The following SLC22A14 variants were observed in gnomAD, a reference collection of about 807,000 sequenced individuals.
The protein encoded by SLC22A14 is organic cation transporter-like 4.
SLC22A14 carries 50 observed loss-of-function variants against 53.9 expected under a neutral mutation model. The ratio of observed to expected loss-of-function variants is 0.93; its 90% CI spans 0.74 to 1.17. The LOEUF (loss-of-function observed/expected upper bound fraction) is 1.17, where lower values mean the gene tolerates loss of function less well. Among genes scored for constraint, SLC22A14 ranks in the 50% most tolerant of loss-of-function variants. The pLI is 0.00. For synonymous variants in SLC22A14, 312 were observed against 303.0 expected, an observed-to-expected ratio of 1.03 and a Z score of -0.31; for missense variants, 671 against 734.7, an observed-to-expected ratio of 0.91 and a Z score of 1.00.
chr3:38,313,474 G>A lies in SLC22A14; in HGVS notation c.1152G>A (p.Met384Ile). Residue 384 changes from methionine (M) to isoleucine (I), a missense_variant, in exon 7 of 11, where the codon ATG becomes ATA. Coordinates refer to ENST00000448498, the MANE Select transcript of SLC22A14 (RefSeq NM_001320033.2). ...AGCTCTGCAAGGTGACCTTGGTGAT[G>A]AGCTGTGTGTGGTGAGTATCCAGGG... Reference protein sequence around the residue: ...NRQLCKVTLVMSCVWFTVSYT... With the variant: ...NRQLCKVTLVISCVWFTVSYT... 1 of 1,610,920 alleles carries A rather than the reference G, an allele frequency of 6.2e-7. No homozygotes were observed. The highest frequency in any genetic ancestry group is 8.5e-7 in the Non-Finnish European group (1 of 1,177,070).
upstream of SLC22A14, among the ~76,000 whole-genome samples, chr3:38,280,991 T>C (rs1230218202): frequency 6.6e-6 from 1 of 152,218 alleles, no homozygotes; most frequent in Non-Finnish European, 1.5e-5. Flanking sequence ...CACCCTGCTC[T>C]TCAGTCTCAC....
At chr3:38,317,220 G>C (rs964960113) in intron 10 of SLC22A14, among the ~76,000 whole-genome samples, 17 of 152,220 alleles carry the variant, frequency 1.1e-4, no homozygotes, top group Non-Finnish European at 2.1e-4. Context: ...AGCAGTCACT[G>C]CCTCTGGCCT....
rs117766880 is a variant in SLC22A14, at chr3:38,300,409, C to A, written c.1-5618C>A. On this transcript the variant is annotated intron_variant, in intron 1 of 10. Coordinates refer to ENST00000448498, the MANE Select transcript of SLC22A14 (RefSeq NM_001320033.2). ...GAGCCAAGATCACACCACTGCACTC[C>A]AGTCTGGGGGACACAGTGAGACTTC... 5.6e-3 allele frequency among the ~76,000 whole-genome samples: 853 copies of A among 152,208 alleles called. 33 individuals are homozygous for A. The East Asian group carries it at 0.088, about 16-fold the overall frequency.
chr3:38,286,236 G>A (rs917475551), intron 1 of SLC22A14, among the ~76,000 whole-genome samples: 1 of 152,048 alleles, frequency 6.6e-6, no homozygotes, highest in Non-Finnish European at 1.5e-5. Context: ...GAGCAAAACT[G>A]TCTCAAAAAA....
At chr3:38,301,578 G>A (rs1704159940) in intron 1 of SLC22A14, among the ~76,000 whole-genome samples, 1 of 152,108 alleles carries the variant, frequency 6.6e-6, no homozygotes, top group African/African-American at 2.4e-5. Flanking sequence ...CTGATTCTCT[G>A]TGGATTCTTT....
intron 1 of SLC22A14, among the ~76,000 whole-genome samples, chr3:38,302,257 T>C (rs71323657): frequency 0.21 from 30,909 of 144,060 alleles, 3,787 homozygotes; most frequent in African/African-American, 0.32. Flanking sequence ...TATATATATA[T>C]ACATATATAT....
intron 1 of SLC22A14, among the ~76,000 whole-genome samples, chr3:38,294,761 G>A (rs367550728): frequency 4.6e-5 from 7 of 151,964 alleles, no homozygotes; most frequent in Admixed American, 1.3e-4. Context: ...AAAGGGGTCC[G>A]GGCTGCTGGT....
chr3:38,279,056 A>G (rs965350418), upstream of SLC22A14, among the ~76,000 whole-genome samples: 6 of 152,070 alleles, frequency 3.9e-5, no homozygotes, highest in Non-Finnish European at 7.4e-5. Context: ...CAGCTTGCTC[A>G]CCTTCTCCTG....
intron 1 of SLC22A14, among the ~76,000 whole-genome samples, chr3:38,294,014 G>T (rs1039822982): frequency 2.0e-5 from 3 of 152,146 alleles, no homozygotes; most frequent in Non-Finnish European, 4.4e-5. Flanking sequence ...ATTTACATAG[G>T]TCTATTTTAA....
Position 38,308,947 on chromosome 3 carries a change from T to C in SLC22A14, c.776-7T>C. 1 of 1,613,504 alleles carries C rather than the reference T, an allele frequency of 6.2e-7. No individual in the cohort carries two copies. Among genetic ancestry groups the C allele is most frequent in the Middle Eastern group, 1.7e-4 (1 of 6,060 alleles). On this transcript the variant is annotated splice_polypyrimidine_tract_variant and splice_region_variant and intron_variant, in intron 4 of 10. Transcript: ENST00000448498. Reference sequence around the variant, plus strand: ...ACCATGGTTTTGTCCTCTTGGCCTCTGCACAGCCACTGAGTGGTTAGTGGG... The same window carrying C: ...ACCATGGTTTTGTCCTCTTGGCCTCCGCACAGCCACTGAGTGGTTAGTGGG...
chr3:38,295,237 A>T (rs1224945972), intron 1 of SLC22A14, among the ~76,000 whole-genome samples: 1 of 152,258 alleles, frequency 6.6e-6, no homozygotes, highest in African/African-American at 2.4e-5. Flanking sequence ...TAAGGGAATT[A>T]TCAGTGGTTG....
In SLC22A14 at chr3:38,313,419, C is replaced by T; in HGVS notation, c.1097C>T (p.Ala366Val). 1 of 1,613,854 alleles carries T rather than the reference C, an allele frequency of 6.2e-7. No homozygotes were observed. The change falls in exon 7 of 11, where the codon GCC (alanine) becomes GTC (valine). Residue 366 changes from alanine to valine, a missense_variant. Ala to Val is a moderately conservative substitution (Grantham distance 64). Coordinates refer to ENST00000448498, the MANE Select transcript of SLC22A14 (RefSeq NM_001320033.2). ...CTGCCCAGAAAGAAGGTGACTCGGG[C>T]CTCTGTCCTGGACTTCTGTAAGAAT... The part of the protein sequence containing the change: ...LQLPRKKVTR[A>V]SVLDFCKNRQ...
At chr3:38,294,170 C>T (rs975884565) in intron 1 of SLC22A14, among the ~76,000 whole-genome samples, 8 of 144,206 alleles carry the variant, frequency 5.5e-5, no homozygotes, top group African/African-American at 1.6e-4. Flanking sequence ...CCTTTTGGAC[C>T]GTTTGGGTTG....
intron 1 of SLC22A14, among the ~76,000 whole-genome samples, chr3:38,283,392 T>C (rs2125867525): frequency 6.6e-6 from 1 of 152,098 alleles, no homozygotes; most frequent in East Asian, 1.9e-4. Context: ...CTAAGCATGC[T>C]CTCCCTCTGT....
chr3:38,299,503 G>A (rs561705241), intron 1 of SLC22A14, among the ~76,000 whole-genome samples: 1 of 152,212 alleles, frequency 6.6e-6, no homozygotes, highest in African/African-American at 2.4e-5. Flanking sequence ...TACCAATATG[G>A]TCTGGAAATC....
intron 1 of SLC22A14, among the ~76,000 whole-genome samples, chr3:38,300,582 A>G (rs926377854): frequency 1.3e-5 from 2 of 152,302 alleles, no homozygotes; most frequent in South Asian, 4.1e-4. Flanking sequence ...ATGAAAGTAC[A>G]TGGGAAGCCC....
chr3:38,279,693 G>T (rs1447133398), upstream of SLC22A14, among the ~76,000 whole-genome samples: 1 of 151,972 alleles, frequency 6.6e-6, no homozygotes, highest in Non-Finnish European at 1.5e-5. Context: ...TGATGAATGG[G>T]TAAGTGTCCT....
intron 1 of SLC22A14, among the ~76,000 whole-genome samples, chr3:38,302,430 G>GC (rs1448042467): frequency 9.3e-5 from 14 of 151,292 alleles, no homozygotes; most frequent in South Asian, 4.1e-4. Context: ...GCCAAGGCAA[G>GC]CAGATTGCTT....
intron 1 of SLC22A14, among the ~76,000 whole-genome samples, chr3:38,287,736 A>G (rs1175797440): frequency 6.6e-6 from 1 of 152,234 alleles, no homozygotes; most frequent in Non-Finnish European, 1.5e-5. Context: ...CTTGCCAAAA[A>G]TAATTTTATA....
Sources: gnomAD v4.1 joint callset for allele counts (sites outside exome capture counted in the v4.1 genomes callset) on GRCh38, gnomAD v4.1.1 for gene constraint, MANE v1.5 for transcripts, NCBI Gene and HGNC (gene_info 2026-07-23, HGNC 2026-07-21) for gene names.